ARL10: variants seen among roughly 807,000 people sequenced by gnomAD.
ARL10 encodes the protein ADP-ribosylation factor-like protein 10.
In ARL10, 23 loss-of-function variants were observed where a neutral mutation model predicts 26.1. The observed-to-expected ratio is 0.88, with a 90% CI of 0.63 to 1.25. The LOEUF (loss-of-function observed/expected upper bound fraction) is 1.25, where lower values mean the gene tolerates loss of function less well. Ranked by LOEUF, ARL10 falls within the 50% of genes most tolerant of loss-of-function variation. The probability of loss-of-function intolerance (pLI) is 0.00; values close to 1 mark genes in which losing one functional copy is unlikely to be tolerated. For synonymous variants in ARL10, 138 were observed against 149.1 expected, an observed-to-expected ratio of 0.93 and a Z score of 0.54; for missense variants, 300 against 323.6, an observed-to-expected ratio of 0.93 and a Z score of 0.56.
At chr5:176,400,474 C>T (rs573168393) in intron 1 of ARL10, among the ~76,000 whole-genome samples, 1 of 152,276 alleles carries the variant, frequency 6.6e-6, no homozygotes, top group South Asian at 2.1e-4. Context: ...GCTCTGCTCA[C>T]GTCTCCCCAC....
At chr5:176,406,602 C>T, downstream of ARL10, 1 of 1,289,304 alleles carries the variant, frequency 7.8e-7, no homozygotes, top group Middle Eastern at 2.1e-4. Flanking sequence ...GCCCTTCTGT[C>T]CCTGCCCCTG....
Position 176,365,557 on chromosome 5 carries a change from C to T in ARL10, c.-7C>T. The T allele has an allele frequency of 8.1e-7, 1 of 1,230,942 alleles. No individual in the cohort carries two copies. The highest frequency in any genetic ancestry group is 1.0e-6 in the Non-Finnish European group (1 of 987,218). 76.3% of individuals were successfully genotyped at this position (1,230,942 alleles called of 1,614,324 possible). A position where few individuals can be genotyped will look rare whatever the true frequency, so the allele number is the denominator to read the frequency against. On this transcript the variant is annotated 5_prime_UTR_variant, in exon 1 of 4. Transcript: ENST00000310389. Reference sequence around the variant, plus strand: ...GCAACCCGCACCTGCGTCCCTCGCCCGGCCCGATGGCGCCGCGGCCGCTGG... The same window carrying T: ...GCAACCCGCACCTGCGTCCCTCGCCTGGCCCGATGGCGCCGCGGCCGCTGG...
chr5:176,381,121 CA>C lies in ARL10; in HGVS notation c.*9229del, dbSNP rs1200184601. ...GAGTCCCAGACTCCTTGGATTGAAACAAACCCGTTATCAAAAGGATAACCTA... is the reference window on the plus strand; with the variant it reads ...GAGTCCCAGACTCCTTGGATTGAAACAACCCGTTATCAAAAGGATAACCTA... On this transcript the variant is annotated 3_prime_UTR_variant, in exon 4 of 4. Coordinates refer to ENST00000310389, the MANE Select transcript of ARL10 (RefSeq NM_173664.6). 6.6e-6 allele frequency: 1 copy of C among 152,194 alleles called. No homozygotes were observed. The highest frequency in any genetic ancestry group is 2.4e-5 in the African/African-American group (1 of 41,450). 9.4% of individuals were successfully genotyped at this position (152,194 alleles called of 1,614,324 possible). A position where few individuals can be genotyped will look rare whatever the true frequency, so the allele number is the denominator to read the frequency against.
downstream of ARL10, chr5:176,392,990 C>T: frequency 1.2e-6 from 2 of 1,609,128 alleles, no homozygotes; most frequent in South Asian, 1.1e-5. This position sits in a 1 kb window ranked among gnomAD's most constrained non-coding sequence, Gnocchi z 5.2. Flanking sequence ...TCTGCTTTCC[C>T]CCAGCCTTGC....
chr5:176,388,586 T>TCAGACCTCGTGTAA, exon 2 of ARL10: 1 of 1,538,572 alleles, frequency 6.5e-7, no homozygotes, highest in Non-Finnish European at 8.9e-7. Context: ...CCTCTGTCTC[T>TCAGACCTCGTGTAA]CAGACCTCGT....
At chr5:176,370,010 C>T (rs984508394) in intron 3 of ARL10, among the ~76,000 whole-genome samples, 3 of 151,232 alleles carry the variant, frequency 2.0e-5, no homozygotes, top group East Asian at 1.9e-4. Flanking sequence ...TAAAGCTGTA[C>T]CTTTTCCACT....
downstream of ARL10, among the ~76,000 whole-genome samples, chr5:176,403,447 TTTTTG>T (rs1246837720): frequency 2.7e-5 from 4 of 147,652 alleles, no homozygotes; most frequent in South Asian, 2.2e-4. Flanking sequence ...TTTTGGTGTT[TTTTTG>T]TTTTGTTTTT....
chr5:176,389,450 G>C, downstream of ARL10: 3 of 1,614,180 alleles, frequency 1.9e-6, no homozygotes, highest in Non-Finnish European at 2.5e-6. Context: ...CACGGTCGCA[G>C]CCATCTTGCT....
At chr5:176,406,105 A>C (rs911764113), downstream of ARL10, 206 of 968,466 alleles carry the variant, frequency 2.1e-4, 1 homozygote, top group Non-Finnish European at 2.4e-4. Context: ...CCCCACCCCT[A>C]CCCTTGCCAG....
intron 1 of ARL10, among the ~76,000 whole-genome samples, chr5:176,398,228 A>T (rs1756648410): frequency 6.6e-6 from 1 of 152,016 alleles, no homozygotes; most frequent in Non-Finnish European, 1.5e-5. Flanking sequence ...ACACTCCGCC[A>T]CCTGTGTGAC....
downstream of ARL10, chr5:176,406,264 A>T: frequency 1.9e-6 from 2 of 1,031,610 alleles, no homozygotes; most frequent in Non-Finnish European, 2.3e-6. Flanking sequence ...CTGGAGAGAG[A>T]AAGGGGCAGG....
chr5:176,410,189 A>G, the ARL10 span: 2 of 1,340,056 alleles, frequency 1.5e-6, no homozygotes, highest in Admixed American at 1.7e-5. Flanking sequence ...GCCTACAACA[A>G]TGAGGCTTTA....
intron 1 of ARL10, 40 bp from the exon 2 acceptor site, chr5:176,366,340 G>T (rs1337975285): frequency 1.3e-6 from 2 of 1,566,104 alleles, no homozygotes; most frequent in Non-Finnish European, 1.7e-6. Flanking sequence ...AGGTCCTTCG[G>T]GAGGCCGCCA....
At chr5:176,366,238 T>C in intron 1 of ARL10, 142 bp from the exon 2 acceptor site, 1 of 968,672 alleles carries the variant, frequency 1.0e-6, no homozygotes, top group Non-Finnish European at 1.5e-6. Context: ...AAAGGCGGCG[T>C]TCGTCCCACT....
intron 3 of ARL10, among the ~76,000 whole-genome samples, chr5:176,371,182 C>T (rs1768518055): frequency 6.6e-6 from 1 of 152,068 alleles, no homozygotes; most frequent in African/African-American, 2.4e-5. Flanking sequence ...CGAGACCAGC[C>T]TGGCCAGCAC....
chr5:176,389,793 G>C (rs1756186751), downstream of ARL10: 2 of 266,728 alleles, frequency 7.5e-6, no homozygotes, highest in South Asian at 8.0e-5. Flanking sequence ...TTTGGTCTTT[G>C]ATTTTGGAGG....
At chr5:176,404,869 C>T (rs1315808774), downstream of ARL10, among the ~76,000 whole-genome samples, 1 of 152,236 alleles carries the variant, frequency 6.6e-6, no homozygotes, top group East Asian at 1.9e-4. Flanking sequence ...CCTGGGCAGC[C>T]TCAGAACCCC....
intron 1 of ARL10, among the ~76,000 whole-genome samples, chr5:176,396,838 A>G (rs1253542519): frequency 6.6e-6 from 1 of 152,130 alleles, no homozygotes; most frequent in Non-Finnish European, 1.5e-5. Context: ...AGGCCCTTAC[A>G]GTGTGAGTCC....
intron 1 of ARL10, chr5:176,388,210 G>A (rs759465541): frequency 1.3e-6 from 2 of 1,534,412 alleles, no homozygotes; most frequent in South Asian, 2.2e-5. Flanking sequence ...AGAAGACAAG[G>A]ACCGAGACCC....
Sources: allele counts gnomAD v4.1 joint callset (sites outside exome capture counted in the v4.1 genomes callset), GRCh38; gene constraint gnomAD v4.1.1; non-coding constraint Gnocchi (gnomAD v3.1); transcripts MANE v1.5; gene names NCBI Gene and HGNC (gene_info 2026-07-23, HGNC 2026-07-21).